The following RYR2 variants were observed in gnomAD, a reference collection of about 807,000 sequenced individuals.
The protein encoded by RYR2 is ryanodine receptor 2, also known as cardiac muscle ryanodine receptor-calcium release channel.
Under a neutral mutation model 601.1 loss-of-function variants are expected in RYR2, and 227 were observed. The ratio of observed to expected loss-of-function variants is 0.38; its 90% CI spans 0.34 to 0.42. RYR2 has a LOEUF of 0.42. Ranked by LOEUF, RYR2 falls within the 10% of genes least tolerant of loss-of-function variation. RYR2 has a pLI of 1.00. For synonymous variants in RYR2, 2,223 were observed against 2,175.1 expected, an observed-to-expected ratio of 1.02 and a Z score of -0.61; for missense variants, 4,646 against 6,156.5, an observed-to-expected ratio of 0.75 and a Z score of 8.21.
At chr1:237,387,525 A>T (rs1702040252) in intron 9 of RYR2, 145 bp downstream of exon 9, 1 of 696,050 alleles carries the variant, frequency 1.4e-6, no homozygotes, top group South Asian at 1.9e-5. Context: ...ACATTTGAGG[A>T]TCTTGTTTAA....
rs1660031336 is a variant in RYR2 at position 237,042,514 on chromosome 1, G to A, written c.-8G>A. 3 of 1,252,728 alleles carry A rather than the reference G, an allele frequency of 2.4e-6. No homozygotes were observed. Among genetic ancestry groups the A allele is most frequent in the Non-Finnish European group, 3.0e-6 (3 of 990,500 alleles). The allele number at this position is 1,252,728 out of a possible 1,614,324, so 77.6% of individuals were successfully genotyped here. ...CGGGAGCCGGCCCCGGCGAGGAGGC[G>A]CGGAACCATGGCCGATGGGGGCGAG... On this transcript the variant is annotated 5_prime_UTR_variant, in exon 1 of 105. Transcript: ENST00000366574.
At chr1:237,663,398 C>G (rs1683990518) in intron 56 of RYR2, among the ~76,000 whole-genome samples, 1 of 152,130 alleles carries the variant, frequency 6.6e-6, no homozygotes, top group African/African-American at 2.4e-5. Flanking sequence ...GAGTGAAGAT[C>G]ATGTGTAGAT....
intron 29 of RYR2, among the ~76,000 whole-genome samples, chr1:237,586,289 C>T (rs539559154): frequency 2.0e-5 from 3 of 152,188 alleles, no homozygotes; most frequent in African/African-American, 7.2e-5. Flanking sequence ...AATGGCTGCA[C>T]GTATTTACTC....
chr1:237,821,026 T>C (rs2819730), intron 101 of RYR2, among the ~76,000 whole-genome samples: 39,804 of 151,888 alleles, frequency 0.26, 5,627 homozygotes, highest in East Asian at 0.6. Flanking sequence ...CAATCCTAGT[T>C]ATTTACTTAT....
Position 237,674,124 on chromosome 1 carries a change from C to G in RYR2, c.8619C>G (p.Pro2873=), listed in dbSNP as rs555608363. The G allele has an allele frequency of 2.5e-6, 4 of 1,611,786 alleles. No homozygotes were observed. The East Asian group carries it at 8.9e-5, about 36-fold the overall frequency. The part of the protein sequence containing the change: ...KGGGNHPLLV[P]YDTLTAKEKA... The stretch of plus-strand genomic sequence containing the variant: ...GAGGAAACCATCCTCTGCTGGTGCC[C>G]TATGATACACTGACAGCCAAAGAGA... The change falls in exon 59 of 105, where the codon CCC becomes CCG. Residue 2873 remains proline (P), a synonymous_variant. Coordinates refer to ENST00000366574, the MANE Select transcript of RYR2 (RefSeq NM_001035.3).
At chr1:237,617,205 T>G (rs1282241752) in intron 37 of RYR2, 81 bp from the exon 38 acceptor site, 27 of 1,278,976 alleles carry the variant, frequency 2.1e-5, no homozygotes, top group Non-Finnish European at 2.7e-5. Flanking sequence ...CAACTAAGGA[T>G]GTTTACCACA....
At chr1:237,637,190 T>C (rs2148717726) in intron 44 of RYR2, among the ~76,000 whole-genome samples, 1 of 152,346 alleles carries the variant, frequency 6.6e-6, no homozygotes, top group African/African-American at 2.4e-5. Context: ...GTTCTCTTGC[T>C]TCACTATAGT....
chr1:237,343,977 C>G (rs1368709254), intron 3 of RYR2, among the ~76,000 whole-genome samples: 1 of 152,052 alleles, frequency 6.6e-6, no homozygotes, highest in Non-Finnish European at 1.5e-5. Flanking sequence ...CCCACCACCA[C>G]GCCTGGCTAA....
intron 10 of RYR2, among the ~76,000 whole-genome samples, chr1:237,396,293 A>G (rs554727181): frequency 5.9e-5 from 9 of 152,334 alleles, no homozygotes; most frequent in African/African-American, 1.9e-4. Flanking sequence ...AGTCATCTAT[A>G]TTGAGAATAC....
rs556827981 is a variant in RYR2 at position 237,245,110 on chromosome 1, G to A, written c.49-25387G>A. On this transcript the variant is annotated intron_variant, in intron 1 of 104. Transcript: ENST00000366574. ...TGCATGCCTGTAGTCTCAGCTGCTTGGGAGACTGAGGCAGGAGGATCCCTT... is the reference window on the plus strand; with the variant it reads ...TGCATGCCTGTAGTCTCAGCTGCTTAGGAGACTGAGGCAGGAGGATCCCTT... Among the ~76,000 whole-genome samples, 424 of 152,170 alleles carry A rather than the reference G, an allele frequency of 2.8e-3. 11 individuals carry two copies. Among genetic ancestry groups the A allele is most frequent in the Non-Finnish European group, 3.5e-3 (241 of 68,006 alleles).
At chr1:237,219,014 T>A (rs976614091) in intron 1 of RYR2, among the ~76,000 whole-genome samples, 1 of 148,256 alleles carries the variant, frequency 6.7e-6, no homozygotes, top group Non-Finnish European at 1.5e-5. Flanking sequence ...TACTTGATTT[T>A]TTTTTTTTTT....
rs145363238 is a variant in RYR2 at position 237,667,878 on chromosome 1, T to G, written c.8515-5T>G. On this transcript the variant is annotated splice_region_variant and splice_polypyrimidine_tract_variant and intron_variant, in intron 57 of 104. Coordinates refer to ENST00000366574, the MANE Select transcript of RYR2 (RefSeq NM_001035.3). ...TGAAACGATAAATATTTTTGTTCAT[T>G]TAAGGCTATGGCAGAAATGATGGCT... is the stretch of plus-strand genomic sequence containing the variant. 1.3e-6 allele frequency: 2 copies of G among 1,569,372 alleles called. No homozygotes were observed. The highest frequency in any genetic ancestry group is 2.3e-5 in the East Asian group (1 of 42,966).
intron 92 of RYR2, among the ~76,000 whole-genome samples, chr1:237,790,486 G>A (rs1255801395): frequency 6.6e-6 from 1 of 151,772 alleles, no homozygotes. Flanking sequence ...AGCTGGAGTG[G>A]GCCTTCCAAA....
intron 64 of RYR2, among the ~76,000 whole-genome samples, chr1:237,699,502 A>G (rs1687777209): frequency 6.6e-6 from 1 of 152,234 alleles, no homozygotes; most frequent in Non-Finnish European, 1.5e-5. Context: ...CAACTTGACC[A>G]GAAATCTAGC....
At chr1:237,688,097 T>G (rs534379075) in intron 63 of RYR2, among the ~76,000 whole-genome samples, 1 of 152,318 alleles carries the variant, frequency 6.6e-6, no homozygotes, top group East Asian at 1.9e-4. Context: ...GAGCACCTGC[T>G]TCCGGACAGC....
chr1:237,546,408 C>T (rs115118651), intron 25 of RYR2, among the ~76,000 whole-genome samples: 2,208 of 152,224 alleles, frequency 0.015, 19 homozygotes, highest in Non-Finnish European at 0.023. Context: ...GACAGAGTCT[C>T]GCCGTGTCAC....
intron 1 of RYR2, among the ~76,000 whole-genome samples, chr1:237,261,580 G>A (rs760562056): frequency 2.0e-5 from 3 of 152,186 alleles, no homozygotes; most frequent in Non-Finnish European, 4.4e-5. Context: ...GTGAAGGCAG[G>A]TCACAAGTGT....
chr1:237,771,124 A>G (rs376437223), intron 85 of RYR2, among the ~76,000 whole-genome samples: 1 of 152,148 alleles, frequency 6.6e-6, no homozygotes, highest in African/African-American at 2.4e-5. Flanking sequence ...GGGAAGACAC[A>G]TGAGGCTGGG....
intron 1 of RYR2, among the ~76,000 whole-genome samples, chr1:237,128,602 G>A (rs1280899738): frequency 6.6e-6 from 1 of 152,170 alleles, no homozygotes; most frequent in South Asian, 2.1e-4. Flanking sequence ...ATGACTTTGA[G>A]TAAGTCAAGC....
Sources: allele counts gnomAD v4.1 joint callset (sites outside exome capture counted in the v4.1 genomes callset), GRCh38; gene constraint gnomAD v4.1.1; transcripts MANE v1.5; gene names NCBI Gene and HGNC (gene_info 2026-07-23, HGNC 2026-07-21).